HMCN1: variants seen among roughly 807,000 people sequenced by gnomAD.
The protein encoded by HMCN1 is hemicentin-1.
HMCN1 carries 321 observed loss-of-function variants against 625.9 expected under a neutral mutation model. The ratio of observed to expected loss-of-function variants is 0.51; its 90% CI spans 0.47 to 0.56. The LOEUF (loss-of-function observed/expected upper bound fraction) is 0.56, where lower values mean the gene tolerates loss of function less well. Among genes scored for constraint, HMCN1 ranks in the 20% least tolerant of loss-of-function variants. The pLI is 0.00. For missense variants in HMCN1, 6,588 were observed against 6,887.3 expected (o/e 0.96, Z 1.54); for synonymous variants, 2,425 against 2,417.6 (o/e 1.00, Z -0.09).
intron 71 of HMCN1, among the ~76,000 whole-genome samples, chr1:186,111,270 C>T (rs908661950): frequency 2.0e-5 from 3 of 151,912 alleles, no homozygotes; most frequent in African/African-American, 7.3e-5. Context: ...CGTGAGCCAC[C>T]GCGCCCGGCC....
At chr1:186,133,306 T>G (rs957581398) in intron 86 of HMCN1, among the ~76,000 whole-genome samples, 1 of 152,182 alleles carries the variant, frequency 6.6e-6, no homozygotes, top group Non-Finnish European at 1.5e-5. Context: ...TATGGCACTT[T>G]AAGATATTTA....
At chr1:185,786,351 A>C (rs142639176) in intron 1 of HMCN1, among the ~76,000 whole-genome samples, 167 of 152,214 alleles carry the variant, frequency 1.1e-3, no homozygotes, top group African/African-American at 3.8e-3. Flanking sequence ...TTTCCCATTA[A>C]TGTTGATTAT....
Position 185,734,805 on chromosome 1 carries a change from C to T in HMCN1, c.26C>T (p.Thr9Ile), listed in dbSNP as rs150931652. ...ATGATTTCCTGGGAAGTTGTCCATACAGTATTCCTGTTTGCTCTTCTTTAT... is the reference window on the plus strand; with the variant it reads ...ATGATTTCCTGGGAAGTTGTCCATATAGTATTCCTGTTTGCTCTTCTTTAT... MISWEVVH[T>I]VFLFALLYSS... The change falls in exon 1 of 107, where the codon ACA becomes ATA. Residue 9 changes from threonine to isoleucine, a missense_variant. Coordinates refer to ENST00000271588, the MANE Select transcript of HMCN1 (RefSeq NM_031935.3). 3.5e-5 allele frequency: 56 copies of T among 1,613,962 alleles called. No homozygotes were observed. In the African/African-American group the frequency reaches 5.2e-4, roughly 15 times the overall value.
chr1:186,142,631 C>T (rs74136048), intron 89 of HMCN1, among the ~76,000 whole-genome samples: 7,326 of 152,154 alleles, frequency 0.048, 621 homozygotes, highest in African/African-American at 0.17. Flanking sequence ...TTATCATTCT[C>T]CCTTTTTTCT....
chr1:185,971,067 G>T (rs1176990228), intron 15 of HMCN1, among the ~76,000 whole-genome samples: 2 of 152,172 alleles, frequency 1.3e-5, no homozygotes, highest in Non-Finnish European at 2.9e-5. Flanking sequence ...TAAGCAACTT[G>T]ATCAGAGTTA....
intron 1 of HMCN1, among the ~76,000 whole-genome samples, chr1:185,843,689 TACAGCTGGAGGGATAGG>T (rs1402315585): frequency 6.6e-6 from 1 of 152,186 alleles, no homozygotes; most frequent in African/African-American, 2.4e-5. Flanking sequence ...AAAAGATGCT[TACAGCTGGAGGGATAGG>T]GCAGCTGGGC....
At chr1:186,164,061 GAC>G (rs370212356) in intron 97 of HMCN1, among the ~76,000 whole-genome samples, 4 of 151,834 alleles carry the variant, frequency 2.6e-5, no homozygotes, top group Non-Finnish European at 5.9e-5. Context: ...ACTAAATAGT[GAC>G]ACACACACAC....
chr1:186,097,501 C>CAAA (rs34449166), intron 68 of HMCN1, among the ~76,000 whole-genome samples: 1 of 143,160 alleles, frequency 7.0e-6, no homozygotes, highest in Non-Finnish European at 1.5e-5. Flanking sequence ...CAATAGCTAT[C>CAAA]AAAAAAAAAA....
At chr1:186,145,329 T>G in intron 91 of HMCN1, 74 bp from the exon 92 acceptor site, 1 of 1,424,096 alleles carries the variant, frequency 7.0e-7, no homozygotes, top group South Asian at 1.4e-5. Context: ...TTAATACTTT[T>G]TGGATGAATG....
In HMCN1 at chr1:186,041,432, T is replaced by C. The variant is rs116508134; in HGVS notation, c.6304+296T>C. Among the ~76,000 whole-genome samples the C allele has an allele frequency of 8.9e-4, 136 of 152,294 alleles. 1 individual carries two copies. The highest frequency in any genetic ancestry group is 1.9e-3 in the East Asian group (10 of 5,176). On this transcript the variant is annotated intron_variant, in intron 40 of 106. Coordinates refer to ENST00000271588, the MANE Select transcript of HMCN1 (RefSeq NM_031935.3). The stretch of plus-strand genomic sequence containing the variant: ...CTCTGCCATTTAGAAGAGATAATCT[T>C]CTCATCACTGAAGCAAGTATCTGTT...
At chr1:186,056,129 A>G (rs759995691) in intron 45 of HMCN1, among the ~76,000 whole-genome samples, 1 of 152,034 alleles carries the variant, frequency 6.6e-6, no homozygotes, top group Non-Finnish European at 1.5e-5. Flanking sequence ...AATAGACCAA[A>G]CATACACATA....
intron 30 of HMCN1, among the ~76,000 whole-genome samples, chr1:186,007,851 G>A (rs1653742840): frequency 6.6e-6 from 1 of 152,038 alleles, no homozygotes; most frequent in Non-Finnish European, 1.5e-5. Flanking sequence ...TTTTACCAGT[G>A]GAGCCATAGG....
At chr1:185,767,411 A>G (rs985282725) in intron 1 of HMCN1, among the ~76,000 whole-genome samples, 3 of 152,320 alleles carry the variant, frequency 2.0e-5, no homozygotes, top group Admixed American at 6.5e-5. Context: ...TTACTTATCA[A>G]CTTCAATTAA....
chr1:185,920,548 G>A (rs1201040170), intron 6 of HMCN1, among the ~76,000 whole-genome samples: 1 of 152,030 alleles, frequency 6.6e-6, no homozygotes, highest in African/African-American at 2.4e-5. Flanking sequence ...GGTCTTTGAA[G>A]GATCAAAGTT....
At chr1:186,086,514 T>C (rs946954783) in intron 58 of HMCN1, 107 bp downstream of exon 58, 1 of 1,164,242 alleles carries the variant, frequency 8.6e-7, no homozygotes, top group Admixed American at 1.9e-5. Flanking sequence ...GCTTCATTTA[T>C]TTATTCACAG....
Position 185,832,728 on chromosome 1 carries a change from T to TA in HMCN1, c.269-13293dup, listed in dbSNP as rs200139990. On this transcript the variant is annotated intron_variant, in intron 1 of 106. Transcript: ENST00000271588. ...GGGAAGAAGGCTTTCTCAACTGTGA[T>TA]AAAAATCAGGACCACAAGAAAAAGA... Among the ~76,000 whole-genome samples the TA allele has an allele frequency of 7.4e-3, 1,122 of 152,264 alleles. 9 individuals carry two copies. Among genetic ancestry groups the TA allele is most frequent in the Middle Eastern group, 0.027 (8 of 294 alleles).
intron 21 of HMCN1, 131 bp downstream of exon 21, chr1:185,989,778 T>TA: frequency 1.2e-6 from 1 of 829,388 alleles, no homozygotes; most frequent in Admixed American, 3.0e-5. Flanking sequence ...TTCTATTTTT[T>TA]TTTTTTTTTT....
chr1:186,097,997 A>G (rs1459848346), intron 68 of HMCN1, among the ~76,000 whole-genome samples: 1 of 152,156 alleles, frequency 6.6e-6, no homozygotes, highest in South Asian at 2.1e-4. Flanking sequence ...TGGGATGTCC[A>G]CATGCAGAAA....
chr1:185,998,008 G>A (rs1204187399), intron 25 of HMCN1, among the ~76,000 whole-genome samples: 1 of 151,992 alleles, frequency 6.6e-6, no homozygotes. Context: ...TCACTTGGAG[G>A]TTTATTCAAG....
Sources: allele counts gnomAD v4.1 joint callset (sites outside exome capture counted in the v4.1 genomes callset), GRCh38; gene constraint gnomAD v4.1.1; transcripts MANE v1.5; gene names NCBI Gene and HGNC (gene_info 2026-07-23, HGNC 2026-07-21).